Variants in TYRO3 observed in about 807,000 individuals in gnomAD.
TYRO3 encodes the protein tyrosine-protein kinase receptor TYRO3.
Under a neutral mutation model 95.2 loss-of-function variants are expected in TYRO3, and 38 were observed. The observed-to-expected ratio is 0.40, with a 90% CI of 0.31 to 0.52. TYRO3 has a LOEUF of 0.52. TYRO3 is among the 20% of genes least tolerant of loss of function. TYRO3 has a pLI of 0.56. For missense variants in TYRO3, 812 were observed against 1,116.4 expected, an observed-to-expected ratio of 0.73 and a Z score of 3.89; for synonymous variants, 367 against 432.9, an observed-to-expected ratio of 0.85 and a Z score of 1.89.
At chr15:41,559,422 C>T in intron 1 of TYRO3, 41 bp downstream of exon 1, 1 of 239,362 alleles carries the variant, frequency 4.2e-6, no homozygotes, top group Non-Finnish European at 7.9e-6. Context: ...CGGGGGGCTG[C>T]GGAGGGGCGC....
chr15:41,560,175 C>T (rs568669379), intron 1 of TYRO3, among the ~76,000 whole-genome samples: 1 of 152,316 alleles, frequency 6.6e-6, no homozygotes, highest in East Asian at 1.9e-4. Flanking sequence ...AGACAGCATT[C>T]CTTGCCATAT....
chr15:41,565,203 G>T, intron 6 of TYRO3, 62 bp downstream of exon 6: 1 of 1,052,862 alleles, frequency 9.5e-7, no homozygotes, highest in South Asian at 1.3e-5. Flanking sequence ...TGTTGACAGG[G>T]ATATCACACT....
rs763319872 is a variant in TYRO3, at chr15:41,572,542, C to G, written c.1853C>G (p.Ser618Cys). The G allele has an allele frequency of 3.7e-6, 6 of 1,614,212 alleles. No homozygotes were observed. The South Asian group carries it at 6.6e-5, about 18-fold the overall frequency. The change falls in exon 15 of 19, where the codon TCC becomes TGC. Residue 618 changes from serine (S) to cysteine (C), a missense_variant. Physicochemically the swap from Ser to Cys is moderately radical, Grantham distance 112. Transcript: ENST00000263798. Reference protein sequence around the residue: ...HGDLHAFLLASRIGENPFNLP... With the variant: ...HGDLHAFLLACRIGENPFNLP... ...GACCTGCATGCCTTCCTGCTCGCCT[C>G]CCGGATTGGGGAGAACCCCTTTGTG...
intron 10 of TYRO3, 39 bp downstream of exon 10, chr15:41,570,195 A>G (rs1439989163): frequency 2.0e-6 from 2 of 988,546 alleles, no homozygotes; most frequent in Admixed American, 2.1e-5. Flanking sequence ...GCAGGTAATG[A>G]TGAAAGACCT....
At position 41,570,714 on chromosome 15, in the gene TYRO3, G is replaced by GTGGGGA. The variant is rs145161890; in HGVS notation, c.1579+20_1579+25dup. The stretch of plus-strand genomic sequence containing the variant: ...GTTGGGCAAAGGTATGTGAGGCTGT[G>GTGGGGA]TGGGGATGGGCATGGCTGGTTTGCT... On this transcript the variant is annotated intron_variant, in intron 12 of 18. Coordinates refer to ENST00000263798, the MANE Select transcript of TYRO3 (RefSeq NM_006293.4). The GTGGGGA allele has an allele frequency of 1.4e-3, 2,237 of 1,612,756 alleles. 21 individuals carry two copies. In the African/African-American group the frequency reaches 0.027, roughly 19 times the overall value.
In TYRO3 at chr15:41,571,133, G is replaced by A. The variant is rs1340110307; in HGVS notation, c.1660+15G>A. On this transcript the variant is annotated intron_variant, in intron 13 of 18. Transcript: ENST00000263798. The stretch of plus-strand genomic sequence containing the variant: ...GATGCTGAAAGGTGAGTGGGGGATA[G>A]CTGTAGCCTGAGGGCATCACTTGGA... The A allele has an allele frequency of 6.8e-7, 1 of 1,460,670 alleles. No individual in the cohort carries two copies. The highest frequency in any genetic ancestry group is 1.4e-5 in the African/African-American group (1 of 73,646). The allele number at this position is 1,460,670 out of a possible 1,614,324, so 90.5% of individuals were successfully genotyped here. A position where few individuals can be genotyped will look rare whatever the true frequency, so the allele number is the denominator to read the frequency against.
intron 3 of TYRO3, 116 bp from the exon 4 acceptor site, chr15:41,562,431 TA>T: frequency 2.0e-6 from 2 of 987,292 alleles, no homozygotes; most frequent in Non-Finnish European, 2.9e-6. Flanking sequence ...GACCTAATCA[TA>T]AGGGGCCTGT....
chr15:41,578,352 C>A lies in TYRO3; in HGVS notation c.*76C>A, dbSNP rs748187265. On this transcript the variant is annotated 3_prime_UTR_variant, in exon 19 of 19. Coordinates refer to ENST00000263798, the MANE Select transcript of TYRO3 (RefSeq NM_006293.4). Reference sequence around the variant, plus strand: ...AGCTGGCTGACTAAGCCCCGTCTGACCCCAGCCCAGACAGCAAGGTGTGGA... The same window carrying A: ...AGCTGGCTGACTAAGCCCCGTCTGAACCCAGCCCAGACAGCAAGGTGTGGA... 1.2e-5 allele frequency: 19 copies of A among 1,568,812 alleles called. No individual in the cohort carries two copies. The African/African-American group carries it at 2.6e-4, about 21-fold the overall frequency.
chr15:41,568,954 G>C lies in TYRO3; in HGVS notation c.1184G>C (p.Cys395Ser). 1 of 1,614,092 alleles carries C rather than the reference G, an allele frequency of 6.2e-7. No individual in the cohort carries two copies. Among genetic ancestry groups the C allele is most frequent in the Non-Finnish European group, 8.5e-7 (1 of 1,180,044 alleles). Residue 395 changes from cysteine (C) to serine (S), a missense_variant, in exon 9 of 19, where the codon TGC becomes TCC. Cys to Ser is a moderately radical substitution (Grantham distance 112). Coordinates refer to ENST00000263798, the MANE Select transcript of TYRO3 (RefSeq NM_006293.4). ...CAAAAGGACCTGATCGTACGTGTGT[G>C]CGTCTCCAATGCAGTTGGCTGTGGA... is the stretch of plus-strand genomic sequence containing the variant. ...DPQKDLIVRV[C>S]VSNAVGCGPW...
Position 41,581,779 on chromosome 15 carries a change from G to A in TYRO3, c.*3503G>A, listed in dbSNP as rs1338673269. The A allele has an allele frequency of 7.2e-6, 1 of 139,500 alleles. No individual in the cohort carries two copies. Among genetic ancestry groups the A allele is most frequent in the Non-Finnish European group, 1.5e-5 (1 of 66,384 alleles). The allele number at this position is 139,500 out of a possible 1,614,324, so 8.6% of individuals were successfully genotyped here. A position where few individuals can be genotyped will look rare whatever the true frequency, so the allele number is the denominator to read the frequency against. ...GGAGGCGGAGGTTGCAGTGAACTGA[G>A]ATGGCACCAGTGCACTCCAGCCTGG... On this transcript the variant is annotated 3_prime_UTR_variant, in exon 19 of 19. Transcript: ENST00000263798.
In TYRO3 at chr15:41,570,337, A is replaced by G. The variant is rs1044571703; in HGVS notation, c.1480A>G (p.Thr494Ala). Residue 494 changes from threonine (T) to alanine (A), a missense_variant, in exon 11 of 19, where the codon ACA (threonine) becomes GCA (alanine). Thr to Ala is a moderately conservative substitution (Grantham distance 58). Transcript: ENST00000263798. ...AGAAAGGCCCGAGCGCATCGAGGCC[A>G]CATGTGAGTGGTGGGTGATCGTGGG... ...NRERPERIEA[T>A]LDSLGISDEL... The G allele has an allele frequency of 2.5e-6, 4 of 1,613,880 alleles. No homozygotes were observed. The highest frequency in any genetic ancestry group is 3.4e-6 in the Non-Finnish European group (4 of 1,179,860).
At chr15:41,573,885 C>A in intron 18 of TYRO3, 70 bp downstream of exon 18, 1 of 1,353,314 alleles carries the variant, frequency 7.4e-7, no homozygotes, top group Admixed American at 2.1e-5. Flanking sequence ...GCTGCCACCA[C>A]AGTTGCCTCA....
At chr15:41,561,444 C>A in intron 2 of TYRO3, 95 bp from the exon 3 acceptor site, 1 of 1,508,182 alleles carries the variant, frequency 6.6e-7, no homozygotes, top group Non-Finnish European at 9.0e-7. Context: ...CCTGTGGGAC[C>A]TTCCAGAAGT....
intron 1 of TYRO3, among the ~76,000 whole-genome samples, chr15:41,560,439 GCGCGCGCT>G (rs2055637573): frequency 6.6e-6 from 1 of 150,700 alleles, no homozygotes; most frequent in African/African-American, 2.5e-5. Flanking sequence ...GCGCGCGCGC[GCGCGCGCT>G]CGCACGCAAG....
chr15:41,573,671 T>G lies in TYRO3; in HGVS notation c.2146-8T>G. The stretch of plus-strand genomic sequence containing the variant: ...ACAGCTTCTCCCCCAACCTCGATTC[T>G]GTCCCAGTGGGCGTTCGGGGTGACC... On this transcript the variant is annotated splice_polypyrimidine_tract_variant and splice_region_variant and intron_variant, in intron 17 of 18. Coordinates refer to ENST00000263798, the MANE Select transcript of TYRO3 (RefSeq NM_006293.4). 3.5e-6 allele frequency: 4 copies of G among 1,131,694 alleles called. No homozygotes were observed. The highest frequency in any genetic ancestry group is 5.0e-6 in the Non-Finnish European group (4 of 799,762). The allele number at this position is 1,131,694 out of a possible 1,614,324, so 70.1% of individuals were successfully genotyped here.
rs780465248 is a variant in TYRO3 at position 41,561,260 on chromosome 15, G to A, written c.258G>A (p.Leu86=). Residue 86 remains leucine (L), a synonymous_variant, in exon 2 of 19, where the codon TTG becomes TTA. Coordinates refer to ENST00000263798, the MANE Select transcript of TYRO3 (RefSeq NM_006293.4). ...AGGATGGGGCTGTGGTCCAGAACTTGGACCAGTTGTACATCCCAGTCAGCG... is the reference window on the plus strand; with the variant it reads ...AGGATGGGGCTGTGGTCCAGAACTTAGACCAGTTGTACATCCCAGTCAGCG... ...WVKDGAVVQN[L]DQLYIPVSEQ... 6.2e-7 allele frequency: 1 copy of A among 1,614,180 alleles called. No homozygotes were observed. The highest frequency in any genetic ancestry group is 2.2e-5 in the East Asian group (1 of 44,878).
In TYRO3 at chr15:41,572,987, C is replaced by T. The variant is rs754859438; in HGVS notation, c.1876-15C>T. On this transcript the variant is annotated splice_polypyrimidine_tract_variant and intron_variant, in intron 15 of 18. Transcript: ENST00000263798. ...TGGGCAGGTTAAGCCTGAGCTTGGC[C>T]TGTCTGTCCACTAGAACCTACCCCT... is the stretch of plus-strand genomic sequence containing the variant. 1 of 937,010 alleles carries T rather than the reference C, an allele frequency of 1.1e-6. No homozygotes were observed. Among genetic ancestry groups the T allele is most frequent in the Non-Finnish European group, 1.6e-6 (1 of 620,168 alleles). 58.0% of individuals were successfully genotyped at this position (937,010 alleles called of 1,614,324 possible). A position where few individuals can be genotyped will look rare whatever the true frequency, so the allele number is the denominator to read the frequency against.
Position 41,570,712 on chromosome 15 carries a change from G to T in TYRO3, c.1579+13G>T, listed in dbSNP as rs1178040982. 2 of 1,043,752 alleles carry T rather than the reference G, an allele frequency of 1.9e-6. No homozygotes were observed. The highest frequency in any genetic ancestry group is 2.7e-5 in the South Asian group (2 of 74,446). The allele number at this position is 1,043,752 out of a possible 1,614,324, so 64.7% of individuals were successfully genotyped here. A position where few individuals can be genotyped will look rare whatever the true frequency, so the allele number is the denominator to read the frequency against. ...ATGTTGGGCAAAGGTATGTGAGGCT[G>T]TGTGGGGATGGGCATGGCTGGTTTG... On this transcript the variant is annotated intron_variant, in intron 12 of 18. Transcript: ENST00000263798.
chr15:41,564,414 C>T, intron 5 of TYRO3, 144 bp downstream of exon 5: 3 of 757,600 alleles, frequency 4.0e-6, no homozygotes, highest in Non-Finnish European at 6.6e-6. Context: ...GGCATAGCTC[C>T]CATTCCTAGT....
Sources: gnomAD v4.1 joint callset for allele counts (sites outside exome capture counted in the v4.1 genomes callset) on GRCh38, gnomAD v4.1.1 for gene constraint, MANE v1.5 for transcripts, NCBI Gene and HGNC (gene_info 2026-07-23, HGNC 2026-07-21) for gene names.